CACNA1A: variants seen among roughly 807,000 people sequenced by gnomAD.
CACNA1A encodes the protein voltage-dependent P/Q-type calcium channel subunit alpha-1A.
A neutral mutation model predicts 262.4 loss-of-function variants in CACNA1A; 57 were observed. The observed-to-expected ratio is 0.22, with a 90% CI of 0.18 to 0.27. The LOEUF (loss-of-function observed/expected upper bound fraction) is 0.27, where lower values mean the gene tolerates loss of function less well. Ranked by LOEUF, CACNA1A falls within the 10% of genes least tolerant of loss-of-function variation. The pLI is 1.00. For missense variants in CACNA1A, 2,526 were observed against 3,562.8 expected, an observed-to-expected ratio of 0.71 and a Z score of 7.41; for synonymous variants, 1,431 against 1,419.3, an observed-to-expected ratio of 1.01 and a Z score of -0.18.
intron 22 of CACNA1A, among the ~76,000 whole-genome samples, chr19:13,282,996 G>A (rs1405324086): frequency 2.0e-5 from 3 of 151,998 alleles, no homozygotes; most frequent in African/African-American, 4.8e-5. Context: ...CTAGTCTCAC[G>A]CCTCCATTAG....
intron 5 of CACNA1A, chr19:13,363,259 C>T (rs2059142386): frequency 6.6e-6 from 1 of 151,730 alleles, no homozygotes. Context: ...ATCCAGGAGT[C>T]CTGGTTTCTC....
Position 13,212,317 on chromosome 19 carries a change from C to CCTGACCT in CACNA1A, c.6189+66_6189+67insAGGTCAG. On this transcript the variant is annotated intron_variant, in intron 42 of 46. Coordinates refer to ENST00000360228, the MANE Select transcript of CACNA1A (RefSeq NM_001127222.2). This position sits in a 1 kb window ranked among gnomAD's most constrained non-coding sequence, Gnocchi z 5.6. ...GCTGCAGGTGTGTGTGTGTGGGGGG[C>CCTGACCT]CCAGATCCCTTCCACCTGAACCACC... The CCTGACCT allele has an allele frequency of 6.3e-7, 1 of 1,579,244 alleles. No homozygotes were observed. The highest frequency in any genetic ancestry group is 1.1e-5 in the South Asian group (1 of 89,496).
chr19:13,477,906 G>A (rs758717038), intron 1 of CACNA1A, among the ~76,000 whole-genome samples: 6 of 152,098 alleles, frequency 3.9e-5, no homozygotes, highest in Non-Finnish European at 5.9e-5. Context: ...ACTCAACCAT[G>A]GGCCCCCTGG....
At chr19:13,343,529 ATTC>A (rs1411789393) in intron 6 of CACNA1A, among the ~76,000 whole-genome samples, 1 of 152,062 alleles carries the variant, frequency 6.6e-6, no homozygotes, top group African/African-American at 2.4e-5. Flanking sequence ...GAGAACATAC[ATTC>A]TTCTCATCAG....
At chr19:13,379,350 G>A (rs908646468) in intron 3 of CACNA1A, among the ~76,000 whole-genome samples, 1 of 152,176 alleles carries the variant, frequency 6.6e-6, no homozygotes, top group South Asian at 2.1e-4. Flanking sequence ...AGACTATAGT[G>A]TAAGCATAAC....
intron 3 of CACNA1A, among the ~76,000 whole-genome samples, chr19:13,439,585 G>A (rs77781131): frequency 1.4e-5 from 2 of 144,986 alleles, no homozygotes; most frequent in Admixed American, 6.9e-5. Context: ...TTTTTGTTTT[G>A]TATTTTTAGT....
In CACNA1A at chr19:13,317,095, G is replaced by C. The variant is rs1222239655; in HGVS notation, c.1555+17C>G. 4 of 1,570,954 alleles carry C rather than the reference G, an allele frequency of 2.5e-6. No homozygotes were observed. The highest frequency in any genetic ancestry group is 3.5e-6 in the Non-Finnish European group (4 of 1,143,196). On this transcript the variant is annotated intron_variant, in intron 11 of 46. Coordinates refer to ENST00000360228, the MANE Select transcript of CACNA1A (RefSeq NM_001127222.2). Reference sequence around the variant, plus strand: ...GGGATCAGGGAGTTGGCAGGGGTGGGGCTGGGTGATACTCACAAAGGAAGT... The same window carrying C: ...GGGATCAGGGAGTTGGCAGGGGTGGCGCTGGGTGATACTCACAAAGGAAGT...
chr19:13,303,092 T>C (rs1283176435), intron 17 of CACNA1A, among the ~76,000 whole-genome samples: 1 of 152,080 alleles, frequency 6.6e-6, no homozygotes, highest in Non-Finnish European at 1.5e-5. Flanking sequence ...TGGGGACATT[T>C]ATTGGCCACT....
chr19:13,240,313 G>A (rs1244219781), intron 31 of CACNA1A, among the ~76,000 whole-genome samples: 1 of 152,046 alleles, frequency 6.6e-6, no homozygotes, highest in Non-Finnish European at 1.5e-5. Context: ...TATAGCGACT[G>A]TGTGTTCAAT....
chr19:13,340,059 C>T (rs1287588281), intron 6 of CACNA1A, among the ~76,000 whole-genome samples: 2 of 152,100 alleles, frequency 1.3e-5, no homozygotes, highest in East Asian at 1.9e-4. Context: ...GCCCAGGGAA[C>T]GAAACTCTGC....
chr19:13,506,261 C>T lies in CACNA1A; in HGVS notation c.-37G>A, dbSNP rs931711093. On this transcript the variant is annotated 5_prime_UTR_variant, in exon 1 of 47. Coordinates refer to ENST00000360228, the MANE Select transcript of CACNA1A (RefSeq NM_001127222.2). ...CAAAGGGCTCCGGGTTACGCTGCGG[C>T]GAACGATGCGGAAGACGCCGCCGCC... The T allele has an allele frequency of 1.6e-5, 22 of 1,409,060 alleles. No individual in the cohort carries two copies. The highest frequency in any genetic ancestry group is 3.3e-5 in the Admixed American group (1 of 30,398). 87.3% of individuals were successfully genotyped at this position (1,409,060 alleles called of 1,614,324 possible).
chr19:13,419,239 T>C (rs1247553464), intron 3 of CACNA1A, among the ~76,000 whole-genome samples: 1 of 152,270 alleles, frequency 6.6e-6, no homozygotes, highest in Admixed American at 6.5e-5. Context: ...GACAGTAACC[T>C]GCTGTGCAGG....
At chr19:13,250,091 ACT>A (rs1210841563) in intron 30 of CACNA1A, among the ~76,000 whole-genome samples, 1 of 149,424 alleles carries the variant, frequency 6.7e-6, no homozygotes, top group African/African-American at 2.5e-5. Context: ...ACAAAGTCTC[ACT>A]CTGTCACCCA....
At chr19:13,268,682 C>T (rs1023719104) in intron 24 of CACNA1A, among the ~76,000 whole-genome samples, 35 of 152,056 alleles carry the variant, frequency 2.3e-4, no homozygotes, top group Non-Finnish European at 4.3e-4. Context: ...GATCCGCCCA[C>T]CTTGGCCTCC....
intron 34 of CACNA1A, among the ~76,000 whole-genome samples, chr19:13,232,190 T>TTCTC (rs139395059): frequency 1.3e-5 from 2 of 151,378 alleles, no homozygotes; most frequent in Non-Finnish European, 1.5e-5. Flanking sequence ...TTCCTTTCTT[T>TTCTC]TCTCTCTCTC....
intron 30 of CACNA1A, among the ~76,000 whole-genome samples, chr19:13,251,235 G>C (rs2144718703): frequency 6.6e-6 from 1 of 151,828 alleles, no homozygotes; most frequent in South Asian, 2.1e-4. Flanking sequence ...TGTAATCCCA[G>C]CACTTTGGGA....
At chr19:13,267,371 G>A (rs570155261) in intron 24 of CACNA1A, among the ~76,000 whole-genome samples, 49 of 152,156 alleles carry the variant, frequency 3.2e-4, no homozygotes, top group Admixed American at 1.3e-3. Context: ...TCTGGAAGCC[G>A]CCCCCACCTC....
At chr19:13,227,848 A>G (rs916844270) in intron 36 of CACNA1A, among the ~76,000 whole-genome samples, 29 of 132,946 alleles carry the variant, frequency 2.2e-4, no homozygotes, top group African/African-American at 7.1e-4. Flanking sequence ...AGGGATGCGG[A>G]GGGGAGGGAG....
chr19:13,449,172 T>G (rs1341903565), intron 3 of CACNA1A, among the ~76,000 whole-genome samples: 4 of 151,876 alleles, frequency 2.6e-5, no homozygotes, highest in Non-Finnish European at 4.4e-5. Context: ...TTCACCATGT[T>G]GCCCAGGCTG....
Sources: gnomAD v4.1 joint callset for allele counts (sites outside exome capture counted in the v4.1 genomes callset) on GRCh38, gnomAD v4.1.1 for gene constraint, Gnocchi (gnomAD v3.1) non-coding constraint, MANE v1.5 for transcripts, NCBI Gene and HGNC (gene_info 2026-07-23, HGNC 2026-07-21) for gene names.